The following UBN2 variants were observed in gnomAD, a reference collection of about 807,000 sequenced individuals.
UBN2 encodes ubinuclein-2.
UBN2 carries 35 observed loss-of-function variants against 120.2 expected under a neutral mutation model. The ratio of observed to expected loss-of-function variants is 0.29; its 90% confidence interval spans 0.22 to 0.39. The LOEUF (loss-of-function observed/expected upper bound fraction) is 0.39, where lower values mean the gene tolerates loss of function less well. UBN2 is among the 10% of genes least tolerant of loss of function. The pLI is 1.00. For missense variants in UBN2, 1,693 were observed against 1,663.2 expected (o/e 1.02, Z -0.31); for synonymous variants, 661 against 648.7 (o/e 1.02, Z -0.29).
At chr7:139,319,910 A>T in the UBN2 span, among the ~76,000 whole-genome samples, 1 of 152,024 alleles carries the variant, frequency 6.6e-6, no homozygotes, top group Non-Finnish European at 1.5e-5. Flanking sequence ...CCCCGTCTCT[A>T]CTAAAAATAC....
At chr7:139,259,122 T>G in intron 4 of UBN2, 145 bp from the exon 5 acceptor site, 1 of 1,271,742 alleles carries the variant, frequency 7.9e-7, no homozygotes, top group Non-Finnish European at 1.1e-6. Flanking sequence ...GAGAGTGCTC[T>G]TGAACCCCAA....
chr7:139,326,033 G>A, the UBN2 span, among the ~76,000 whole-genome samples: 2 of 147,056 alleles, frequency 1.4e-5, no homozygotes, highest in African/African-American at 5.4e-5. Flanking sequence ...TCTACTAAAA[G>A]TACAAAAATT....
the UBN2 span, among the ~76,000 whole-genome samples, chr7:139,322,765 C>T: frequency 1.3e-5 from 2 of 151,966 alleles, no homozygotes; most frequent in Non-Finnish European, 2.9e-5. Flanking sequence ...GTCTCGATCT[C>T]CTGACCTCAT....
intron 11 of UBN2, among the ~76,000 whole-genome samples, chr7:139,275,277 CAAAAAAAAAAA>C (rs758714682): frequency 2.2e-5 from 1 of 44,878 alleles, no homozygotes; most frequent in Non-Finnish European, 4.6e-5. Context: ...AACTCTGTCT[CAAAAAAAAAAA>C]AAAAAAAAAA....
the UBN2 span, among the ~76,000 whole-genome samples, chr7:139,314,879 AT>A: frequency 6.6e-6 from 1 of 152,006 alleles, no homozygotes; most frequent in Non-Finnish European, 1.5e-5. Flanking sequence ...CAGTCTTGCC[AT>A]TCTTCCTTCT....
intron 2 of UBN2, among the ~76,000 whole-genome samples, chr7:139,243,725 C>T (rs1796385149): frequency 6.6e-6 from 1 of 152,078 alleles, no homozygotes; most frequent in Admixed American, 6.5e-5. Context: ...CAAACTGTAC[C>T]TAGAAAACTA....
At chr7:139,266,271 T>A in intron 6 of UBN2, 62 bp from the exon 7 acceptor site, 8 of 997,758 alleles carry the variant, frequency 8.0e-6, no homozygotes, top group Non-Finnish European at 1.2e-5. Context: ...ACACGTGTCC[T>A]AAGAATGCAA....
At chr7:139,282,148 G>T (rs1797632576) in intron 14 of UBN2, 93 bp downstream of exon 14, 1 of 1,068,472 alleles carries the variant, frequency 9.4e-7, no homozygotes, top group Non-Finnish European at 1.4e-6. Context: ...ACTTTGATAC[G>T]ACTTTTATGT....
At chr7:139,310,084 T>C (rs910905853), downstream of UBN2, among the ~76,000 whole-genome samples, 1 of 152,200 alleles carries the variant, frequency 6.6e-6, no homozygotes, top group African/African-American at 2.4e-5. Flanking sequence ...CCTCTCCCTG[T>C]CTCATCACTG....
intron 6 of UBN2, among the ~76,000 whole-genome samples, chr7:139,262,786 T>C (rs995085484): frequency 6.6e-6 from 1 of 152,124 alleles, no homozygotes; most frequent in Non-Finnish European, 1.5e-5. Context: ...TTGGTTCTTT[T>C]ATTATTAAAC....
chr7:139,272,328 C>T lies in UBN2; in HGVS notation c.1603C>T (p.Arg535Cys), dbSNP rs781514279. Residue 535 changes from arginine to cysteine, a missense_variant, in exon 9 of 18, where the codon CGT becomes TGT. Physicochemically the swap from Arg to Cys is radical, Grantham distance 180. This residue lies in a region of UBN2 where 178 missense variants were observed against 204.0 expected (regional missense o/e 0.87). Coordinates refer to ENST00000473989, the MANE Select transcript of UBN2 (RefSeq NM_173569.4). ...KKLHLNVQDD[R>C]LREPLQKLKL... Reference sequence around the variant, plus strand: ...AGTATGTTTTTCTTTTTAGGATGATCGTTTAAGAGAACCTCTGCAAAAACT... The same window carrying T: ...AGTATGTTTTTCTTTTTAGGATGATTGTTTAAGAGAACCTCTGCAAAAACT... The T allele has an allele frequency of 5.0e-6, 8 of 1,607,072 alleles. No individual in the cohort carries two copies. Among genetic ancestry groups the T allele is most frequent in the Non-Finnish European group, 5.1e-6 (6 of 1,177,482 alleles).
At chr7:139,240,451 TATA>T (rs869046479) in intron 2 of UBN2, among the ~76,000 whole-genome samples, 7,562 of 41,826 alleles carry the variant, frequency 0.18, 453 homozygotes, top group Admixed American at 0.38. Flanking sequence ...TATATATATA[TATA>T]TTTTTTTTTT....
Position 139,273,238 on chromosome 7 carries a change from A to T in UBN2, c.1716-59A>T, listed in dbSNP as rs1472029182. The T allele has an allele frequency of 2.7e-6, 3 of 1,116,318 alleles. No individual in the cohort carries two copies. In the African/African-American group the frequency reaches 4.7e-5, roughly 17 times the overall value. The allele number at this position is 1,116,318 out of a possible 1,614,324, so 69.2% of individuals were successfully genotyped here. A position where few individuals can be genotyped will look rare whatever the true frequency, so the allele number is the denominator to read the frequency against. On this transcript the variant is annotated intron_variant, in intron 9 of 17. Transcript: ENST00000473989. ...GCAATTCAGCAAGTATTTATGGAGC[A>T]TATTATATAGGCAGTGTTGGGTTAA...
chr7:139,325,353 C>G, the UBN2 span, among the ~76,000 whole-genome samples: 1,965 of 150,308 alleles, frequency 0.013, 51 homozygotes, highest in African/African-American at 0.044. Context: ...CTGCAACCTC[C>G]GCCTCCCGGG....
At position 139,283,965 on chromosome 7, in the gene UBN2, A is replaced by G; in HGVS notation, c.3060A>G (p.Ser1020=). 1 of 1,613,516 alleles carries G rather than the reference A, an allele frequency of 6.2e-7. No homozygotes were observed. The highest frequency in any genetic ancestry group is 8.5e-7 in the Non-Finnish European group (1 of 1,179,854). ...SSNYLAKAMV[S]QISTQGFKSP... is the part of the protein sequence containing the mutation. ...ACTATTTAGCCAAGGCTATGGTGTCACAGATCTCCACGCAGGGTTTCAAAT... is the reference window on the plus strand; with the variant it reads ...ACTATTTAGCCAAGGCTATGGTGTCGCAGATCTCCACGCAGGGTTTCAAAT... Residue 1020 remains serine (S), a synonymous_variant, in exon 15 of 18, where the codon TCA becomes TCG. Coordinates refer to ENST00000473989, the MANE Select transcript of UBN2 (RefSeq NM_173569.4).
chr7:139,292,441 T>C (rs887889393), intron 15 of UBN2, among the ~76,000 whole-genome samples: 9 of 152,174 alleles, frequency 5.9e-5, no homozygotes, highest in African/African-American at 9.7e-5. Flanking sequence ...TAGGGGAGTG[T>C]GAAAACACTG....
At chr7:139,268,268 A>C (rs1436824225) in intron 7 of UBN2, among the ~76,000 whole-genome samples, 1 of 152,062 alleles carries the variant, frequency 6.6e-6, no homozygotes, top group Admixed American at 6.6e-5. Context: ...CTCCAGTTTC[A>C]CAAGTACTAG....
intron 2 of UBN2, among the ~76,000 whole-genome samples, chr7:139,239,351 G>C (rs1043246180): frequency 6.6e-6 from 1 of 151,742 alleles, no homozygotes; most frequent in South Asian, 2.1e-4. Context: ...AAATGATTTA[G>C]GTTGCTTTCA....
intron 10 of UBN2, 129 bp from the exon 11 acceptor site, chr7:139,273,801 TG>T (rs1199118150): frequency 6.8e-5 from 49 of 721,630 alleles, no homozygotes; most frequent in Non-Finnish European, 9.0e-5. Flanking sequence ...CAGGTTTGAC[TG>T]TGGTGCAATG....
Sources: gnomAD v4.1 joint callset for allele counts (sites outside exome capture counted in the v4.1 genomes callset) on GRCh38, gnomAD v4.1.1 for gene constraint, gnomAD v4.1.1 regional missense constraint, MANE v1.5 for transcripts, NCBI Gene and HGNC (gene_info 2026-07-23, HGNC 2026-07-21) for gene names.